Variants in DOCK8 observed in about 807,000 individuals in gnomAD.
DOCK8 encodes the protein dedicator of cytokinesis protein 8.
Under a neutral mutation model 245.6 loss-of-function variants are expected in DOCK8, and 141 were observed. The ratio of observed to expected loss-of-function variants is 0.57; its 90% confidence interval spans 0.50 to 0.66. The LOEUF is 0.66. DOCK8 is among the 30% of genes least tolerant of loss of function. The pLI is 0.00. For synonymous variants in DOCK8, 1,168 were observed against 970.2 expected, an observed-to-expected ratio of 1.20 and a Z score of -3.79; for missense variants, 2,965 against 2,603.4, an observed-to-expected ratio of 1.14 and a Z score of -3.02.
chr9:216,894 G>T (rs2046768535), intron 1 of DOCK8, among the ~76,000 whole-genome samples: 2 of 152,142 alleles, frequency 1.3e-5, no homozygotes, highest in Non-Finnish European at 2.9e-5. Flanking sequence ...TAAAGGCCCT[G>T]GTTAGTGTCT....
Position 463,510 on chromosome 9 carries a change from A to G in DOCK8, c.6069-7A>G, listed in dbSNP as rs568943661. The stretch of plus-strand genomic sequence containing the variant: ...TTATTTCTCCCACACTGATATTTTC[A>G]TCTCAGATGTGGTGAAGCTGTAGAG... On this transcript the variant is annotated splice_region_variant and splice_polypyrimidine_tract_variant and intron_variant, in intron 46 of 47. Transcript: ENST00000432829. The G allele has an allele frequency of 3.8e-5, 61 of 1,614,212 alleles. No individual in the cohort carries two copies. The highest frequency in any genetic ancestry group is 4.9e-5 in the Non-Finnish European group (58 of 1,180,032).
chr9:296,445 T>C (rs2049262649), intron 4 of DOCK8, among the ~76,000 whole-genome samples: 1 of 152,218 alleles, frequency 6.6e-6, no homozygotes, highest in Admixed American at 6.5e-5. Flanking sequence ...ATGAGTGTTA[T>C]GGGCAGCATC....
At chr9:309,706 T>C (rs1262852582) in intron 5 of DOCK8, among the ~76,000 whole-genome samples, 1 of 152,196 alleles carries the variant, frequency 6.6e-6, no homozygotes, top group African/African-American at 2.4e-5. Flanking sequence ...CCAATAACTG[T>C]TACCAAATTC....
intron 27 of DOCK8, among the ~76,000 whole-genome samples, chr9:405,671 A>G (rs963433225): frequency 3.9e-5 from 6 of 152,226 alleles, no homozygotes; most frequent in Non-Finnish European, 7.3e-5. Context: ...TAGGGAACAC[A>G]TCAGTAGCTC....
At chr9:296,327 G>C (rs2049258233) in intron 4 of DOCK8, among the ~76,000 whole-genome samples, 1 of 152,156 alleles carries the variant, frequency 6.6e-6, no homozygotes, top group Non-Finnish European at 1.5e-5. Context: ...ACCAAAGAGG[G>C]ATAAACTTCA....
intron 28 of DOCK8, 26 bp downstream of exon 28, chr9:407,095 A>T (rs751599638): frequency 1.2e-6 from 2 of 1,613,954 alleles, no homozygotes; most frequent in South Asian, 2.2e-5. Context: ...TTAAAATGGA[A>T]GATGAAGCCA....
intron 6 of DOCK8, among the ~76,000 whole-genome samples, chr9:315,172 G>A (rs1390048195): frequency 6.6e-6 from 1 of 152,132 alleles, no homozygotes; most frequent in African/African-American, 2.4e-5. Flanking sequence ...GTTGACCTCT[G>A]GATCCATTGG....
intron 13 of DOCK8, among the ~76,000 whole-genome samples, chr9:339,902 A>G (rs977321430): frequency 5.9e-5 from 9 of 151,984 alleles, no homozygotes; most frequent in African/African-American, 2.2e-4. Flanking sequence ...GTAATTCAGG[A>G]AAGAACTTTA....
chr9:358,342 C>T (rs1026343091), intron 14 of DOCK8, among the ~76,000 whole-genome samples: 1 of 152,182 alleles, frequency 6.6e-6, no homozygotes, highest in Non-Finnish European at 1.5e-5. Context: ...AGTCCTCCTG[C>T]CTTGACCTCC....
intron 44 of DOCK8, among the ~76,000 whole-genome samples, chr9:448,044 CT>C (rs1479244445): frequency 4.6e-5 from 7 of 152,108 alleles, no homozygotes. Context: ...CCTTCCTTTC[CT>C]TTCCTTCCTT....
intron 22 of DOCK8, among the ~76,000 whole-genome samples, chr9:384,978 A>C (rs1176388273): frequency 6.6e-6 from 1 of 152,200 alleles, no homozygotes; most frequent in African/African-American, 2.4e-5. Flanking sequence ...TGAGATGCTG[A>C]TGATCTGTAG....
At chr9:400,961 A>ACCAGCT (rs1554692500) in intron 26 of DOCK8, among the ~76,000 whole-genome samples, 1 of 68,080 alleles carries the variant, frequency 1.5e-5, no homozygotes, top group Non-Finnish European at 2.3e-5. Flanking sequence ...CACCACCACC[A>ACCAGCT]CCACCTCCTC....
At chr9:319,059 G>C (rs1305287765) in intron 7 of DOCK8, among the ~76,000 whole-genome samples, 2 of 152,346 alleles carry the variant, frequency 1.3e-5, no homozygotes, top group East Asian at 1.9e-4. Flanking sequence ...CACTTTGGGA[G>C]GCCAAAGTGG....
intron 20 of DOCK8, 122 bp from the exon 21 acceptor site, chr9:379,649 T>C (rs1271347147): frequency 9.2e-7 from 1 of 1,092,346 alleles, no homozygotes; most frequent in African/African-American, 1.5e-5. Flanking sequence ...CCATCTACCC[T>C]TCCCAGGCCT....
chr9:363,889 G>A (rs1424609266), intron 14 of DOCK8, among the ~76,000 whole-genome samples: 1 of 152,210 alleles, frequency 6.6e-6, no homozygotes, highest in Non-Finnish European at 1.5e-5. Flanking sequence ...TAAGAGACAA[G>A]TGTGGTGAGA....
At chr9:373,280 T>A (rs1048594544) in intron 18 of DOCK8, among the ~76,000 whole-genome samples, 2 of 152,230 alleles carry the variant, frequency 1.3e-5, no homozygotes, top group Non-Finnish European at 2.9e-5. Context: ...TTTACATCAA[T>A]AAGTATTATT....
intron 33 of DOCK8, among the ~76,000 whole-genome samples, chr9:425,205 AT>A (rs2056434027): frequency 6.6e-6 from 1 of 152,146 alleles, no homozygotes; most frequent in South Asian, 2.1e-4. Context: ...ATTGCTCTAA[AT>A]TTAAAACTAA....
chr9:413,724 G>A (rs988232435), intron 28 of DOCK8, among the ~76,000 whole-genome samples: 3 of 152,144 alleles, frequency 2.0e-5, no homozygotes, highest in African/African-American at 7.2e-5. Flanking sequence ...CCACGAAGAT[G>A]GATATAATAA....
intron 14 of DOCK8, chr9:366,234 T>C: frequency 6.5e-6 from 1 of 153,206 alleles, no homozygotes; most frequent in East Asian, 1.9e-4. Flanking sequence ...TCATTGAGTA[T>C]TGTCACATAT....
Sources: allele counts gnomAD v4.1 joint callset (sites outside exome capture counted in the v4.1 genomes callset), GRCh38; gene constraint gnomAD v4.1.1; transcripts MANE v1.5; gene names NCBI Gene and HGNC (gene_info 2026-07-23, HGNC 2026-07-21).